Variants in ZNF738 observed in about 807,000 individuals in gnomAD.
The protein encoded by ZNF738 is zinc finger protein 738, also known as protein ZNF738.
In ZNF738, 10 loss-of-function variants were observed where a neutral mutation model predicts 9.2. That is an observed-to-expected ratio of 1.09 (90% CI 0.67 to 1.85). The LOEUF is 1.85. ZNF738 is among the 40% of genes most tolerant of loss of function. The pLI, the probability that ZNF738 is intolerant of heterozygous loss-of-function variation, is 0.00. For synonymous variants in ZNF738, 113 were observed against 94.5 expected (o/e 1.20, Z -1.14); for missense variants, 346 against 283.6 (o/e 1.22, Z -1.58).
chr19:21,386,052 C>T lies in ZNF738; in HGVS notation c.*2378C>T, dbSNP rs1486368004. Reference sequence around the variant, plus strand: ...TATCTCAAAACTTTTTATAGATTCTCATACCTTATTAAACATAAAATCTTA... The same window carrying T: ...TATCTCAAAACTTTTTATAGATTCTTATACCTTATTAAACATAAAATCTTA... On this transcript the variant is annotated 3_prime_UTR_variant, in exon 5 of 5. Transcript: ENST00000683779. Among the ~76,000 whole-genome samples the T allele has an allele frequency of 6.6e-6, 1 of 152,172 alleles. No individual in the cohort carries two copies. Among genetic ancestry groups the T allele is most frequent in the African/African-American group, 2.4e-5 (1 of 41,416 alleles).
At chr19:21,359,862 G>T (rs974029795) in intron 1 of ZNF738, among the ~76,000 whole-genome samples, 2 of 152,124 alleles carry the variant, frequency 1.3e-5, no homozygotes, top group African/African-American at 4.8e-5. Context: ...GGGCGACAGA[G>T]CGAGACTCTT....
intron 4 of ZNF738, among the ~76,000 whole-genome samples, chr19:21,379,671 A>AAG: frequency 6.6e-6 from 1 of 152,156 alleles, no homozygotes; most frequent in African/African-American, 2.4e-5. Context: ...ATAAAGATAC[A>AAG]TGAGCCAGTA....
chr19:21,359,877 CA>C (rs987216892), intron 1 of ZNF738, among the ~76,000 whole-genome samples: 9 of 148,620 alleles, frequency 6.1e-5, no homozygotes, highest in East Asian at 2.0e-4. Flanking sequence ...ACTCTTGTCT[CA>C]AAAAAAAAAT....
At chr19:21,366,300 T>C (rs2127406) in intron 2 of ZNF738, among the ~76,000 whole-genome samples, 85,448 of 151,456 alleles carry the variant, frequency 0.56, 24,340 homozygotes, top group Middle Eastern at 0.68. Context: ...CTAAGTTGGG[T>C]CTTGAATCCA....
chr19:21,372,840 G>T (rs1973873840), intron 2 of ZNF738: 1 of 152,200 alleles, frequency 6.6e-6, no homozygotes, highest in Non-Finnish European at 1.5e-5. Flanking sequence ...TAGTTCATGT[G>T]TACATGTTGT....
chr19:21,369,285 A>C lies in ZNF738; in HGVS notation c.97-5953A>C, dbSNP rs374528484. ...CATCACGCCTAATTTTTCTTTTTTT[A>C]TTTTTTGTAGAGATACGGCTTTGCC... On this transcript the variant is annotated intron_variant, in intron 2 of 4. Coordinates refer to ENST00000683779, the MANE Select transcript of ZNF738 (RefSeq NM_001355237.2). Among the ~76,000 whole-genome samples the C allele has an allele frequency of 6.6e-5, 10 of 151,704 alleles. No individual in the cohort carries two copies. The East Asian group carries it at 2.0e-3, about 30-fold the overall frequency.
chr19:21,377,034 G>A lies in ZNF738; in HGVS notation c.319+1070G>A, dbSNP rs140266271. ...TTAAAAATAATTGTACAGGCTGGGC[G>A]CAGTGGCTCATGCCTGTAATCCCAA... On this transcript the variant is annotated intron_variant, in intron 4 of 4. Transcript: ENST00000683779. Among the ~76,000 whole-genome samples, 1,346 of 151,344 alleles carry A rather than the reference G, an allele frequency of 8.9e-3. 6 individuals carry two copies. The highest frequency in any genetic ancestry group is 0.015 in the Non-Finnish European group (984 of 67,856).
In ZNF738 at chr19:21,385,842, G is replaced by T. The variant is rs1974060529; in HGVS notation, c.*2168G>T. ...AAAATAAGGTGATTCATTCTGGAGA[G>T]AAATTCTACAAATGTGAAGAATGTG... On this transcript the variant is annotated 3_prime_UTR_variant, in exon 5 of 5. Coordinates refer to ENST00000683779, the MANE Select transcript of ZNF738 (RefSeq NM_001355237.2). Among the ~76,000 whole-genome samples the T allele has an allele frequency of 6.6e-6, 1 of 152,024 alleles. No homozygotes were observed. Among genetic ancestry groups the T allele is most frequent in the Non-Finnish European group, 1.5e-5 (1 of 67,994 alleles).
At chr19:21,361,266 A>T (rs1973687392) in intron 1 of ZNF738, among the ~76,000 whole-genome samples, 1 of 151,856 alleles carries the variant, frequency 6.6e-6, no homozygotes, top group Non-Finnish European at 1.5e-5. Flanking sequence ...GCCTCCGAGT[A>T]GCTGGGATTA....
chr19:21,364,252 AAAATTTTAAGGAATGCAATT>A (rs1390930066), intron 2 of ZNF738, among the ~76,000 whole-genome samples: 4 of 151,832 alleles, frequency 2.6e-5, no homozygotes, highest in African/African-American at 4.8e-5. Context: ...ACCAATTATA[AAAATTTTAAGGAATGCAATT>A]TTAGGTAGAC....
intron 2 of ZNF738, among the ~76,000 whole-genome samples, chr19:21,364,233 A>G (rs1171266905): frequency 1.3e-5 from 2 of 150,420 alleles, no homozygotes; most frequent in Non-Finnish European, 3.0e-5. Context: ...GCATTGCAAC[A>G]GGAGGAATAC....
intron 4 of ZNF738, 129 bp downstream of exon 4, chr19:21,376,093 G>A (rs1568369673): frequency 2.0e-6 from 1 of 493,672 alleles, no homozygotes; most frequent in Non-Finnish European, 3.7e-6. Context: ...GAAGCCTGAG[G>A]TGTGTGGTTT....
At chr19:21,360,750 G>A (rs757352503) in intron 1 of ZNF738, among the ~76,000 whole-genome samples, 1 of 148,312 alleles carries the variant, frequency 6.7e-6, no homozygotes, top group African/African-American at 2.5e-5. Flanking sequence ...CACCGGGCCT[G>A]GCCACTTATT....
rs534043069 is a variant in ZNF738, at chr19:21,385,911, A to G, written c.*2237A>G. Among the ~76,000 whole-genome samples the G allele has an allele frequency of 1.5e-4, 23 of 152,322 alleles. No homozygotes were observed. Among genetic ancestry groups the G allele is most frequent in the Non-Finnish European group, 2.8e-4 (19 of 68,032 alleles). On this transcript the variant is annotated 3_prime_UTR_variant, in exon 5 of 5. Transcript: ENST00000683779. Reference sequence around the variant, plus strand: ...CCTCAACACTTACTAAACAGAATTCATAGCAGAGAGAAATCCTACAAATAT... The same window carrying G: ...CCTCAACACTTACTAAACAGAATTCGTAGCAGAGAGAAATCCTACAAATAT...
Position 21,384,335 on chromosome 19 carries a change from G to A in ZNF738, c.*661G>A, listed in dbSNP as rs879181194. On this transcript the variant is annotated 3_prime_UTR_variant, in exon 5 of 5. Coordinates refer to ENST00000683779, the MANE Select transcript of ZNF738 (RefSeq NM_001355237.2). ...TTCATACTGGAGAGAGACCCTACAA[G>A]TGTGAAGAATGTGGCAAAGCCTTTA... is the stretch of plus-strand genomic sequence containing the variant. 3.0e-4 allele frequency among the ~76,000 whole-genome samples: 38 copies of A among 127,032 alleles called. No homozygotes were observed. The highest frequency in any genetic ancestry group is 5.6e-3 in the Middle Eastern group (1 of 178). 83.3% of individuals were successfully genotyped at this position (127,032 alleles called of 152,430 possible).
intron 4 of ZNF738, among the ~76,000 whole-genome samples, chr19:21,382,503 C>T (rs2145242723): frequency 6.6e-6 from 1 of 152,182 alleles, no homozygotes; most frequent in East Asian, 1.9e-4. Context: ...TCCCAAAGTG[C>T]TGGGATTACA....
intron 4 of ZNF738, chr19:21,378,004 T>C: frequency 2.5e-6 from 1 of 397,594 alleles, no homozygotes; most frequent in Non-Finnish European, 4.4e-6. Context: ...GTTTTCTGTG[T>C]CTATACAGGC....
intron 2 of ZNF738, among the ~76,000 whole-genome samples, chr19:21,365,379 C>T (rs1461131140): frequency 6.6e-6 from 1 of 152,072 alleles, no homozygotes. Context: ...TTTTACCCAC[C>T]CCCTATTCAA....
At chr19:21,359,494 A>G (rs4359573) in intron 1 of ZNF738, among the ~76,000 whole-genome samples, 21,419 of 152,188 alleles carry the variant, frequency 0.14, 1,988 homozygotes, top group Non-Finnish European at 0.21. Context: ...ATGAATGGGA[A>G]GAGGTTTGTT....
Sources: gnomAD v4.1 joint callset for allele counts (sites outside exome capture counted in the v4.1 genomes callset) on GRCh38, gnomAD v4.1.1 for gene constraint, MANE v1.5 for transcripts, NCBI Gene and HGNC (gene_info 2026-07-23, HGNC 2026-07-21) for gene names.